Variants in SLC35F1 observed in about 807,000 individuals in gnomAD.
The protein encoded by SLC35F1 is solute carrier family 35 member F1, also known as chromosome 6 open reading frame 169.
SLC35F1 carries 14 observed loss-of-function variants against 48.7 expected under a neutral mutation model. The observed-to-expected ratio is 0.29, with a 90% CI of 0.19 to 0.45. The LOEUF (loss-of-function observed/expected upper bound fraction) is 0.45, where lower values mean the gene tolerates loss of function less well. Among genes scored for constraint, SLC35F1 ranks in the 20% least tolerant of loss-of-function variants. The probability of loss-of-function intolerance (pLI) is 1.00; values close to 1 mark genes in which losing one functional copy is unlikely to be tolerated. For missense variants in SLC35F1, 404 were observed against 500.0 expected, an observed-to-expected ratio of 0.81 and a Z score of 1.83; for synonymous variants, 190 against 202.2, an observed-to-expected ratio of 0.94 and a Z score of 0.51.
intron 1 of SLC35F1, among the ~76,000 whole-genome samples, chr6:118,093,781 G>A (rs776611022): frequency 3.9e-5 from 6 of 152,182 alleles, no homozygotes; most frequent in Non-Finnish European, 8.8e-5. Context: ...CAAATCCTAA[G>A]ACTCCTCCAT....
intron 1 of SLC35F1, among the ~76,000 whole-genome samples, chr6:118,153,360 G>A (rs1774091753): frequency 6.6e-6 from 1 of 152,150 alleles, no homozygotes; most frequent in South Asian, 2.1e-4. Flanking sequence ...GTTCTGCTTT[G>A]ATTATTATAC....
At chr6:118,114,124 A>G (rs1773445112) in intron 1 of SLC35F1, among the ~76,000 whole-genome samples, 1 of 152,186 alleles carries the variant, frequency 6.6e-6, no homozygotes, top group Non-Finnish European at 1.5e-5. Context: ...CTGATGGGGA[A>G]ACTACCTCTG....
chr6:118,044,317 C>T (rs1207232629), intron 1 of SLC35F1, among the ~76,000 whole-genome samples: 1 of 152,188 alleles, frequency 6.6e-6, no homozygotes, highest in Non-Finnish European at 1.5e-5. Flanking sequence ...CAACCCTATC[C>T]CTGTCTGCCA....
chr6:118,262,575 G>T (rs892249818), intron 3 of SLC35F1, among the ~76,000 whole-genome samples: 8 of 152,106 alleles, frequency 5.3e-5, no homozygotes, highest in Non-Finnish European at 1.2e-4. Flanking sequence ...CTTGAACTCC[G>T]ATCTAGCAGT....
At chr6:118,192,866 G>A (rs553231298) in intron 2 of SLC35F1, among the ~76,000 whole-genome samples, 2 of 152,186 alleles carry the variant, frequency 1.3e-5, no homozygotes, top group East Asian at 3.9e-4. Context: ...CAATTTTGAA[G>A]CTGAAATTTG....
At chr6:117,926,728 G>A (rs1311600528) in intron 1 of SLC35F1, among the ~76,000 whole-genome samples, 2 of 152,126 alleles carry the variant, frequency 1.3e-5, no homozygotes, top group African/African-American at 4.8e-5. Context: ...AGATCATGCA[G>A]GGCTTTGGAG....
chr6:118,249,462 G>A (rs893185917), intron 3 of SLC35F1, among the ~76,000 whole-genome samples: 2 of 152,194 alleles, frequency 1.3e-5, no homozygotes, highest in African/African-American at 2.4e-5. Context: ...AATGACAGAC[G>A]TGCTCATTTT....
intron 2 of SLC35F1, among the ~76,000 whole-genome samples, chr6:118,173,507 C>T (rs1273840142): frequency 6.6e-6 from 1 of 151,964 alleles, no homozygotes; most frequent in East Asian, 1.9e-4. Flanking sequence ...TCTACATATA[C>T]CTGCAAACTC....
At chr6:118,208,325 A>C (rs191969417) in intron 2 of SLC35F1, among the ~76,000 whole-genome samples, 1 of 152,332 alleles carries the variant, frequency 6.6e-6, no homozygotes, top group East Asian at 1.9e-4. Context: ...TGACCCTGGG[A>C]AGTAATTTTA....
chr6:118,061,552 A>C (rs576005297), intron 1 of SLC35F1, among the ~76,000 whole-genome samples: 1 of 148,098 alleles, frequency 6.8e-6, no homozygotes, highest in African/African-American at 2.5e-5. Context: ...GACATATTTT[A>C]TGTGTATATA....
chr6:118,019,766 G>A (rs1777370347), intron 1 of SLC35F1, among the ~76,000 whole-genome samples: 1 of 152,220 alleles, frequency 6.6e-6, no homozygotes, highest in Admixed American at 6.5e-5. Flanking sequence ...TAAGGAGGGA[G>A]AAGAGGGAAG....
At chr6:118,086,285 G>A (rs981724986) in intron 1 of SLC35F1, among the ~76,000 whole-genome samples, 1 of 152,100 alleles carries the variant, frequency 6.6e-6, no homozygotes, top group East Asian at 1.9e-4. Context: ...GTGAAAATTA[G>A]GCCAGGCTGT....
chr6:118,002,416 A>C (rs938235086), intron 1 of SLC35F1, among the ~76,000 whole-genome samples: 4 of 151,766 alleles, frequency 2.6e-5, no homozygotes, highest in Non-Finnish European at 4.4e-5. Context: ...ACACATGGAC[A>C]CAGGAAGGGG....
intron 7 of SLC35F1, among the ~76,000 whole-genome samples, chr6:118,285,768 A>AT (rs1054279672): frequency 3.3e-5 from 5 of 152,192 alleles, no homozygotes; most frequent in African/African-American, 1.2e-4. Context: ...TGCTTTGCAG[A>AT]TTTTTTTATA....
chr6:117,932,379 A>G (rs1296462079), intron 1 of SLC35F1, among the ~76,000 whole-genome samples: 1 of 152,208 alleles, frequency 6.6e-6, no homozygotes, highest in African/African-American at 2.4e-5. Context: ...AGGCACATGA[A>G]GTTTAAGGTA....
chr6:117,986,833 G>C (rs1475751321), intron 1 of SLC35F1, among the ~76,000 whole-genome samples: 2 of 152,116 alleles, frequency 1.3e-5, no homozygotes, highest in African/African-American at 4.8e-5. Flanking sequence ...CGACATCACT[G>C]GCAGCTCCTA....
At chr6:118,065,240 TA>T (rs1278397696) in intron 1 of SLC35F1, among the ~76,000 whole-genome samples, 3 of 152,180 alleles carry the variant, frequency 2.0e-5, no homozygotes, top group African/African-American at 7.2e-5. Context: ...GATAATAAGC[TA>T]AAAACATGAA....
intron 2 of SLC35F1, among the ~76,000 whole-genome samples, chr6:118,177,222 AT>A (rs1774503637): frequency 1.3e-5 from 2 of 152,170 alleles, no homozygotes; most frequent in South Asian, 4.1e-4. Context: ...TTCCTTGCAC[AT>A]CTCCTGACTC....
At chr6:118,290,309 CCAAA>C (rs1411077495) in intron 7 of SLC35F1, among the ~76,000 whole-genome samples, 1 of 151,566 alleles carries the variant, frequency 6.6e-6, no homozygotes, top group African/African-American at 2.4e-5. Flanking sequence ...ATTCTACTGA[CCAAA>C]CAAGAGCCCT....
Sources: allele counts gnomAD v4.1 joint callset (sites outside exome capture counted in the v4.1 genomes callset), GRCh38; gene constraint gnomAD v4.1.1; transcripts MANE v1.5; gene names NCBI Gene and HGNC (gene_info 2026-07-23, HGNC 2026-07-21).